The following RIPK2 variants were observed in gnomAD, a reference collection of about 807,000 sequenced individuals.
RIPK2 encodes receptor-interacting serine/threonine-protein kinase 2.
RIPK2 carries 38 observed loss-of-function variants against 60.9 expected under a neutral mutation model. The ratio of observed to expected loss-of-function variants is 0.62; its 90% CI spans 0.48 to 0.82. RIPK2 has a LOEUF of 0.82. Ranked by LOEUF, RIPK2 falls within the 40% of genes least tolerant of loss-of-function variation. The pLI is 0.00. For missense variants in RIPK2, 518 were observed against 647.0 expected (o/e 0.80, Z 2.16); for synonymous variants, 225 against 223.4 (o/e 1.01, Z -0.06).
Position 89,784,166 on chromosome 8 carries a change from G to A in RIPK2, c.1029+27G>A, listed in dbSNP as rs201578067. On this transcript the variant is annotated intron_variant, in intron 8 of 10. Transcript: ENST00000220751. Reference sequence around the variant, plus strand: ...TAAAAAAAAAAAAAAAAAAAAAAAGGTTATATTAAACTCAAAATGTGAGAA... The same window carrying A: ...TAAAAAAAAAAAAAAAAAAAAAAAGATTATATTAAACTCAAAATGTGAGAA... 1.6e-5 allele frequency: 17 copies of A among 1,031,024 alleles called. No individual in the cohort carries two copies. In the East Asian group the frequency reaches 2.3e-4, roughly 14 times the overall value. The allele number at this position is 1,031,024 out of a possible 1,614,324, so 63.9% of individuals were successfully genotyped here. A position where few individuals can be genotyped will look rare whatever the true frequency, so the allele number is the denominator to read the frequency against.
intron 3 of RIPK2, among the ~76,000 whole-genome samples, chr8:89,768,886 T>C (rs1283368735): frequency 6.6e-6 from 1 of 151,714 alleles, no homozygotes; most frequent in Non-Finnish European, 1.5e-5. Context: ...AATGATGTGC[T>C]GCATGGAGCT....
At chr8:89,763,044 C>T in intron 2 of RIPK2, 62 bp downstream of exon 2, 1 of 1,096,240 alleles carries the variant, frequency 9.1e-7, no homozygotes, top group Middle Eastern at 2.4e-4. Context: ...CTATATTTTA[C>T]TTTGATTTTA....
chr8:89,771,370 GA>G (rs36010754), intron 4 of RIPK2, among the ~76,000 whole-genome samples: 52,192 of 151,658 alleles, frequency 0.34, 10,090 homozygotes, highest in Non-Finnish European at 0.44. Context: ...GCTGAGAGCA[GA>G]AAAAAGGCAG....
chr8:89,768,496 A>T (rs1293792797), intron 3 of RIPK2, among the ~76,000 whole-genome samples: 1 of 151,694 alleles, frequency 6.6e-6, no homozygotes, highest in East Asian at 1.9e-4. Flanking sequence ...TCCTTTTGTT[A>T]ATCCGCGCTT....
At chr8:89,783,962 A>T (rs1809541125) in intron 7 of RIPK2, 88 bp from the exon 8 acceptor site, 1 of 682,922 alleles carries the variant, frequency 1.5e-6, no homozygotes. Flanking sequence ...TTGTACAAAC[A>T]TATAAAATGT....
Position 89,765,355 on chromosome 8 carries a change from T to A in RIPK2, c.342T>A (p.Pro114=). Residue 114 remains proline, a synonymous_variant, in exon 3 of 11, where the codon CCT becomes CCA. Coordinates refer to ENST00000220751, the MANE Select transcript of RIPK2 (RefSeq NM_003821.6). Reference sequence around the variant, plus strand: ...TATATATGAAGAAAACTGAATATCCTGATGTTGCTTGGCCATTGAGATTTC... The same window carrying A: ...TATATATGAAGAAAACTGAATATCCAGATGTTGCTTGGCCATTGAGATTTC... ...NELLHRKTEY[P]DVAWPLRFRI... is the part of the protein sequence containing the mutation. The A allele has an allele frequency of 1.2e-6, 2 of 1,608,478 alleles. No homozygotes were observed. Among genetic ancestry groups the A allele is most frequent in the Non-Finnish European group, 1.7e-6 (2 of 1,176,746 alleles).
chr8:89,781,737 C>G (rs927421211), intron 7 of RIPK2, among the ~76,000 whole-genome samples: 16 of 152,032 alleles, frequency 1.1e-4, no homozygotes, highest in Non-Finnish European at 2.1e-4. Context: ...AGCACTGAAC[C>G]CTATGTATAC....
chr8:89,790,698 G>T lies in RIPK2; in HGVS notation c.*282G>T. On this transcript the variant is annotated 3_prime_UTR_variant, in exon 11 of 11. Coordinates refer to ENST00000220751, the MANE Select transcript of RIPK2 (RefSeq NM_003821.6). ...TTATAACAGTGCCTTAAGGTATGAT[G>T]TATTTCTGATGGAAGCCATTTTCAC... 3.9e-6 allele frequency: 1 copy of T among 255,770 alleles called. No homozygotes were observed. The highest frequency in any genetic ancestry group is 7.2e-5 in the South Asian group (1 of 13,832). 15.8% of individuals were successfully genotyped at this position (255,770 alleles called of 1,614,324 possible).
At chr8:89,777,748 G>A (rs1386688142) in intron 6 of RIPK2, among the ~76,000 whole-genome samples, 1 of 152,018 alleles carries the variant, frequency 6.6e-6, no homozygotes. Flanking sequence ...TAGGATGACT[G>A]TTTCCTATTT....
At chr8:89,762,091 G>C (rs897085646) in intron 1 of RIPK2, among the ~76,000 whole-genome samples, 3 of 152,020 alleles carry the variant, frequency 2.0e-5, no homozygotes, top group African/African-American at 7.3e-5. Context: ...GGGAGGCTAA[G>C]GTGGGAGGAT....
chr8:89,764,634 A>G (rs1809197016), intron 2 of RIPK2, among the ~76,000 whole-genome samples: 1 of 152,124 alleles, frequency 6.6e-6, no homozygotes, highest in Non-Finnish European at 1.5e-5. Flanking sequence ...ACTCAGATGG[A>G]TATTATTTGA....
At chr8:89,771,824 C>CATCAT in intron 5 of RIPK2, 34 bp downstream of exon 5, 1 of 1,367,012 alleles carries the variant, frequency 7.3e-7, no homozygotes, top group Non-Finnish European at 1.0e-6. Flanking sequence ...TGCTCAATAA[C>CATCAT]ATCATGTTAG....
Position 89,776,654 on chromosome 8 carries a change from C to T in RIPK2, c.854-3421C>T, listed in dbSNP as rs564358168. On this transcript the variant is annotated intron_variant, in intron 6 of 10. Transcript: ENST00000220751. ...TTCATGAACCCTCAGGAACCACCCC[C>T]GCCAGGGGTCCCTGGACCACACTTT... 4.0e-4 allele frequency among the ~76,000 whole-genome samples: 61 copies of T among 152,302 alleles called. 2 individuals carry two copies. In the South Asian group the frequency reaches 0.011, roughly 27 times the overall value.
chr8:89,784,086 A>G lies in RIPK2; in HGVS notation c.976A>G (p.Lys326Glu). 2 of 1,593,238 alleles carry G rather than the reference A, an allele frequency of 1.3e-6. No homozygotes were observed. Among genetic ancestry groups the G allele is most frequent in the Admixed American group, 1.7e-5 (1 of 59,174 alleles). The change falls in exon 8 of 11, where the codon AAG (lysine) becomes GAG (glutamate). Residue 326 changes from lysine to glutamate, a missense_variant. Around this residue, in one of 3 missense-constraint regions of RIPK2, gnomAD observed 448 missense variants for 534.7 expected, o/e 0.84. Transcript: ENST00000220751. The part of the protein sequence containing the change: ...SVSSAIHLCD[K>E]KKMELSLNIP... ...TTCAAGTGCCATTCACCTATGTGAC[A>G]AGAAGAAAATGGAATTATCTCTGAA...
At chr8:89,779,310 G>GTTTTTTTTTTTTTTTTTT (rs55784154) in intron 6 of RIPK2, among the ~76,000 whole-genome samples, 4 of 79,092 alleles carry the variant, frequency 5.1e-5, no homozygotes, top group Non-Finnish European at 8.5e-5. Flanking sequence ...CGGTTTTTGG[G>GTTTTTTTTTTTTTTTTTT]TTTTTTTTTT....
At position 89,790,653 on chromosome 8, in the gene RIPK2, A is replaced by G; in HGVS notation, c.*237A>G. 1 of 390,260 alleles carries G rather than the reference A, an allele frequency of 2.6e-6. No individual in the cohort carries two copies. The allele number at this position is 390,260 out of a possible 1,614,324, so 24.2% of individuals were successfully genotyped here. A position where few individuals can be genotyped will look rare whatever the true frequency, so the allele number is the denominator to read the frequency against. ...TTTTGTTAACAGAAACCACTTTTAA[A>G]GGATAGTAATTATTCTTGTTTATAA... On this transcript the variant is annotated 3_prime_UTR_variant, in exon 11 of 11. Coordinates refer to ENST00000220751, the MANE Select transcript of RIPK2 (RefSeq NM_003821.6).
Position 89,762,855 on chromosome 8 carries a change from C to G in RIPK2, c.200C>G (p.Ala67Gly). 6.8e-7 allele frequency: 1 copy of G among 1,477,880 alleles called. No individual in the cohort carries two copies. Among genetic ancestry groups the G allele is most frequent in the South Asian group, 1.4e-5 (1 of 69,040 alleles). The allele number at this position is 1,477,880 out of a possible 1,614,324, so 91.5% of individuals were successfully genotyped here. The change falls in exon 2 of 11, where the codon GCT becomes GGT. Residue 67 changes from alanine (A) to glycine (G), a missense_variant. This residue lies in a region of RIPK2 where 448 missense variants were observed against 534.7 expected (regional missense o/e 0.84). Transcript: ENST00000220751. ...GAAAGAAAGGATGTCTTAAGAGAAG[C>G]TGAAATTTTACACAAAGCTAGATTT... ...DSERKDVLRE[A>G]EILHKARFSY...
At chr8:89,766,674 T>C (rs10113478) in intron 3 of RIPK2, among the ~76,000 whole-genome samples, 16,552 of 151,322 alleles carry the variant, frequency 0.11, 1,089 homozygotes, top group African/African-American at 0.19. Context: ...TTTGGTATTA[T>C]CACTGTTTTC....
chr8:89,790,942 AACAAT>A lies in RIPK2; in HGVS notation c.*533_*537del, dbSNP rs1243919959. 7.3e-6 allele frequency: 1 copy of A among 136,146 alleles called. No homozygotes were observed. Among genetic ancestry groups the A allele is most frequent in the East Asian group, 2.2e-4 (1 of 4,532 alleles). 8.4% of individuals were successfully genotyped at this position (136,146 alleles called of 1,614,324 possible). ...TTTAAAAATGATATTTCAAAGGTAA[AACAAT>A]ACAATATAAAGAAAAAAATAAATAT... On this transcript the variant is annotated 3_prime_UTR_variant, in exon 11 of 11. Coordinates refer to ENST00000220751, the MANE Select transcript of RIPK2 (RefSeq NM_003821.6).
Sources: gnomAD v4.1 joint callset for allele counts (sites outside exome capture counted in the v4.1 genomes callset) on GRCh38, gnomAD v4.1.1 for gene constraint, gnomAD v4.1.1 regional missense constraint, MANE v1.5 for transcripts, NCBI Gene and HGNC (gene_info 2026-07-23, HGNC 2026-07-21) for gene names.